SGCD: variants seen among roughly 807,000 people sequenced by gnomAD.
SGCD encodes the protein sarcoglycan delta.
SGCD carries 18 observed loss-of-function variants against 36.6 expected under a neutral mutation model. That is an observed-to-expected ratio of 0.49 (90% CI 0.34 to 0.73). SGCD has a LOEUF of 0.73. SGCD is among the 30% of genes least tolerant of loss of function. SGCD has a pLI of 0.01. For missense variants in SGCD, 387 were observed against 346.7 expected, an observed-to-expected ratio of 1.12 and a Z score of -0.92; for synonymous variants, 133 against 130.6, an observed-to-expected ratio of 1.02 and a Z score of -0.12.
intron 3 of SGCD, among the ~76,000 whole-genome samples, chr5:156,212,565 C>A (rs370873757): frequency 6.6e-6 from 1 of 151,892 alleles, no homozygotes; most frequent in Non-Finnish European, 1.5e-5. Flanking sequence ...ACTTCAATAC[C>A]CCAATTTTAG....
At chr5:156,501,805 G>A (rs572789979) in intron 3 of SGCD, among the ~76,000 whole-genome samples, 2 of 152,224 alleles carry the variant, frequency 1.3e-5, no homozygotes, top group South Asian at 4.2e-4. Context: ...TCTTGTCTTC[G>A]CTGGGATTAC....
chr5:156,139,514 T>C (rs1478084272), intron 3 of SGCD, among the ~76,000 whole-genome samples: 1 of 152,188 alleles, frequency 6.6e-6, no homozygotes, highest in African/African-American at 2.4e-5. Context: ...AGCTGTGTCC[T>C]TGCTCATCTA....
chr5:155,971,164 G>C (rs754577323), intron 1 of SGCD, among the ~76,000 whole-genome samples: 9 of 152,162 alleles, frequency 5.9e-5, no homozygotes, highest in Non-Finnish European at 1.0e-4. Flanking sequence ...GAAGACTGAG[G>C]AAGTATTTGG....
chr5:156,209,515 G>A (rs183436192), intron 3 of SGCD, among the ~76,000 whole-genome samples: 18 of 152,222 alleles, frequency 1.2e-4, no homozygotes, highest in East Asian at 5.8e-4. Context: ...CCTGCCCAGC[G>A]CTAAGCCCAT....
intron 3 of SGCD, among the ~76,000 whole-genome samples, chr5:156,384,977 A>G (rs1771196780): frequency 6.6e-6 from 1 of 152,170 alleles, no homozygotes; most frequent in Non-Finnish European, 1.5e-5. Flanking sequence ...TTGCGAAAGC[A>G]CACCAATGCT....
At position 155,886,497 on chromosome 5, in the gene SGCD, C is replaced by T. The variant is rs201289665; in HGVS notation, c.-282+16073C>T. On this transcript the variant is annotated intron_variant, in intron 1 of 9. Transcript: ENST00000517913. ...GCAGAGGAATGTGTGTGTGTGTGCG[C>T]GCACGCGCGCGTGCGTGTGTGTGTG... 3.3e-3 allele frequency among the ~76,000 whole-genome samples: 495 copies of T among 149,290 alleles called. 5 individuals are homozygous for T. Among genetic ancestry groups the T allele is most frequent in the African/African-American group, 9.6e-3 (383 of 39,746 alleles).
chr5:155,923,014 T>G lies in SGCD; in HGVS notation c.-282+52590T>G, dbSNP rs185002494. Reference sequence around the variant, plus strand: ...TACAGCATGAAACATAGTCATTATTTGAGACAGAACACAGTACGAGCAGAT... The same window carrying G: ...TACAGCATGAAACATAGTCATTATTGGAGACAGAACACAGTACGAGCAGAT... On this transcript the variant is annotated intron_variant, in intron 1 of 9. Coordinates refer to the SGCD transcript ENST00000517913. Among the ~76,000 whole-genome samples, 196 of 152,322 alleles carry G rather than the reference T, an allele frequency of 1.3e-3. 1 individual carries two copies. Among genetic ancestry groups the G allele is most frequent in the Non-Finnish European group, 2.1e-4 (14 of 68,028 alleles).
chr5:156,243,665 C>G (rs1561581296), intron 3 of SGCD, among the ~76,000 whole-genome samples: 1 of 152,212 alleles, frequency 6.6e-6, no homozygotes, highest in East Asian at 1.9e-4. Context: ...TTTCTATATT[C>G]CTGTCTTTGC....
chr5:156,320,956 A>G (rs1009107073), intron 3 of SGCD, among the ~76,000 whole-genome samples: 8 of 152,222 alleles, frequency 5.3e-5, no homozygotes, highest in African/African-American at 1.9e-4. Context: ...TATTTATGAA[A>G]TGAACTCTCA....
chr5:155,949,830 AG>A (rs1273768736), intron 1 of SGCD, among the ~76,000 whole-genome samples: 3 of 152,190 alleles, frequency 2.0e-5, no homozygotes, highest in African/African-American at 7.2e-5. Flanking sequence ...TGACAGAAAA[AG>A]TTTGGGGATT....
chr5:156,458,879 T>C (rs900850157), intron 3 of SGCD, among the ~76,000 whole-genome samples: 1 of 152,186 alleles, frequency 6.6e-6, no homozygotes, highest in Non-Finnish European at 1.5e-5. Flanking sequence ...TTCTTTTCCC[T>C]CAAAACTTGA....
the SGCD span, among the ~76,000 whole-genome samples, chr5:155,835,002 A>ATT: frequency 0.023 from 1,377 of 60,138 alleles, 154 homozygotes; most frequent in African/African-American, 0.071. Flanking sequence ...TGCCCAGCTA[A>ATT]TTTTTTTTTT....
intron 1 of SGCD, among the ~76,000 whole-genome samples, chr5:155,881,029 C>A (rs1755870820): frequency 6.6e-6 from 1 of 151,990 alleles, no homozygotes; most frequent in Non-Finnish European, 1.5e-5. Flanking sequence ...ACTCCAATAG[C>A]TAAAACAGGC....
intron 1 of SGCD, among the ~76,000 whole-genome samples, chr5:155,938,275 C>G (rs367629051): frequency 2.4e-4 from 36 of 152,326 alleles, no homozygotes; most frequent in African/African-American, 7.9e-4. Flanking sequence ...GAGTACTTCA[C>G]TGCAGGCCAC....
At chr5:155,989,788 T>C (rs537324544) in intron 1 of SGCD, among the ~76,000 whole-genome samples, 1 of 152,342 alleles carries the variant, frequency 6.6e-6, no homozygotes, top group Non-Finnish European at 1.5e-5. Context: ...GACTCATTCA[T>C]CTGATCAGCC....
the SGCD span, among the ~76,000 whole-genome samples, chr5:155,818,076 A>C: frequency 1.3e-4 from 20 of 152,340 alleles, no homozygotes; most frequent in African/African-American, 4.6e-4. Flanking sequence ...GCCGAGAAGA[A>C]TACTAAAGTG....
chr5:156,622,723 A>G (rs1239792681), intron 6 of SGCD, among the ~76,000 whole-genome samples: 2 of 152,134 alleles, frequency 1.3e-5, no homozygotes, highest in Non-Finnish European at 2.9e-5. Context: ...GCTAATGGTA[A>G]TGAACTGGGA....
chr5:155,936,848 A>G (rs1757214584), intron 1 of SGCD, among the ~76,000 whole-genome samples: 1 of 152,152 alleles, frequency 6.6e-6, no homozygotes, highest in African/African-American at 2.4e-5. Flanking sequence ...CCACTCACTC[A>G]GTCTCCCTCC....
At chr5:155,940,854 A>AAAC (rs143386038) in intron 1 of SGCD, among the ~76,000 whole-genome samples, 8 of 112,830 alleles carry the variant, frequency 7.1e-5, no homozygotes, top group East Asian at 5.6e-4. Flanking sequence ...CAAAACAAAC[A>AAAC]AACAACAACA....
Sources: allele counts gnomAD v4.1 joint callset (sites outside exome capture counted in the v4.1 genomes callset), GRCh38; gene constraint gnomAD v4.1.1; transcripts MANE v1.5; gene names NCBI Gene and HGNC (gene_info 2026-07-23, HGNC 2026-07-21).